Variants in AQP12B observed in about 807,000 individuals in gnomAD.
AQP12B encodes putative aquaporin-12B.
Under a neutral mutation model 11.5 loss-of-function variants are expected in AQP12B, and 8 were observed. That is an observed-to-expected ratio of 0.70 (90% CI 0.41 to 1.26). The LOEUF is 1.26. Ranked by LOEUF, AQP12B falls within the 50% of genes most tolerant of loss-of-function variation. The probability of loss-of-function intolerance (pLI) is 0.01; values close to 1 mark genes in which losing one functional copy is unlikely to be tolerated. For missense variants in AQP12B, 247 were observed against 322.0 expected (o/e 0.77, Z 1.78); for synonymous variants, 123 against 158.0 (o/e 0.78, Z 1.66).
At position 240,682,334 on chromosome 2, in the gene AQP12B, G is replaced by A. The variant is rs2043933008; in HGVS notation, c.504C>T (p.Ala168=). Residue 168 remains alanine (A), a synonymous_variant, in exon 1 of 3, where the codon GCC becomes GCT. Coordinates refer to ENST00000407834, the MANE Select transcript of AQP12B (RefSeq NM_001102467.2). ...GGGTCAGATGGAAACAAAAGGCGCAGGCGGCCTCCACAAGCGCCCCGTGGG... is the reference window on the plus strand; with the variant it reads ...GGGTCAGATGGAAACAAAAGGCGCAAGCGGCCTCCACAAGCGCCCCGTGGG... The part of the protein sequence containing the change: ...SVPHGALVEA[A]CAFCFHLTLL... 6.6e-7 allele frequency: 1 copy of A among 1,520,450 alleles called. No homozygotes were observed. The highest frequency in any genetic ancestry group is 1.4e-5 in the African/African-American group (1 of 71,932). The allele number at this position is 1,520,450 out of a possible 1,614,324, so 94.2% of individuals were successfully genotyped here.
upstream of AQP12B, chr2:240,682,899 G>T: frequency 1.9e-6 from 3 of 1,562,712 alleles, no homozygotes; most frequent in South Asian, 2.3e-5. Context: ...GCAGGAGCTG[G>T]CCGGTTCCCA....
intron 1 of AQP12B, 96 bp downstream of exon 1, chr2:240,682,135 G>T (rs2043924578): frequency 3.2e-6 from 2 of 627,278 alleles, no homozygotes; most frequent in Non-Finnish European, 5.2e-6. Context: ...CGGGCCAGCA[G>T]CCCCCTATCC....
At position 240,682,588 on chromosome 2, in the gene AQP12B, C is replaced by G. The variant is rs369219301; in HGVS notation, c.250G>C (p.Gly84Arg). Reference sequence around the variant, plus strand: ...GCCGAGGCCCCGTCCAAGGTGACCCCGTGCGCCAGGAAGAGCAGGAAGAGC... The same window carrying G: ...GCCGAGGCCCCGTCCAAGGTGACCCGGTGCGCCAGGAAGAGCAGGAAGAGC... ...TLLFLLFLAH[G>R]VTLDGASANP... The change falls in exon 1 of 3, where the codon GGG becomes CGG. Residue 84 changes from glycine (G) to arginine (R), a missense_variant. Transcript: ENST00000407834. 2.7e-5 allele frequency: 44 copies of G among 1,613,202 alleles called. No homozygotes were observed. Among genetic ancestry groups the G allele is most frequent in the Non-Finnish European group, 3.7e-5 (44 of 1,179,786 alleles).
chr2:240,680,877 GGAGACAGAGAGAGAGGA>G (rs2043894196), intron 1 of AQP12B, among the ~76,000 whole-genome samples: 2 of 55,026 alleles, frequency 3.6e-5, no homozygotes, highest in African/African-American at 9.7e-5. Context: ...AGAGAGACAG[GGAGACAGAGAGAGAGGA>G]GAGACAGAGA....
At position 240,682,605 on chromosome 2, in the gene AQP12B, A is replaced by G. The variant is rs757561287; in HGVS notation, c.233T>C (p.Leu78Pro). The G allele has an allele frequency of 4.3e-6, 7 of 1,613,286 alleles. No homozygotes were observed. In the Admixed American group the frequency reaches 1.0e-4, roughly 23 times the overall value. ...GPDLLLTLLF[L>P]LFLAHGVTLD... ...GGTGACCCCGTGCGCCAGGAAGAGC[A>G]GGAAGAGCAGGGTGAGCAGCAGGTC... The change falls in exon 1 of 3, where the codon CTG (leucine) becomes CCG (proline). Residue 78 changes from leucine to proline, a missense_variant. Physicochemically the swap from Leu to Pro is moderately conservative, Grantham distance 98. Around this residue, in one of 4 missense-constraint regions of AQP12B, gnomAD observed 206 missense variants for 173.2 expected, o/e 1.19. Transcript: ENST00000407834.
In AQP12B at chr2:240,682,755, A is replaced by C. The variant is rs547736661; in HGVS notation, c.83T>G (p.Leu28Arg). 107 of 1,612,292 alleles carry C rather than the reference A, an allele frequency of 6.6e-5. No homozygotes were observed. The Middle Eastern group carries it at 6.7e-4, about 10-fold the overall frequency. Reference protein sequence around the residue: ...CEAARRASKALLPVGAYEVFA... With the variant: ...CEAARRASKARLPVGAYEVFA... ...GACTTCATAGGCGCCCACTGGGAGCAGGGCCTTGGAGGCCCGCCTGGCTGC... is the reference window on the plus strand; with the variant it reads ...GACTTCATAGGCGCCCACTGGGAGCCGGGCCTTGGAGGCCCGCCTGGCTGC... Residue 28 changes from leucine to arginine, a missense_variant, in exon 1 of 3, where the codon CTG (leucine) becomes CGG (arginine). Leu to Arg is a moderately radical substitution (Grantham distance 102, BLOSUM62 -2). Transcript: ENST00000407834.
In AQP12B at chr2:240,682,873, C is replaced by T. The variant is rs367797140; in HGVS notation, c.-36G>A. ...CCCCCGAGATGCTGTGCCTGCAGGA[C>T]ACCTGAGGGGACAGAGCAGGAGCTG... On this transcript the variant is annotated 5_prime_UTR_variant, in exon 1 of 3. Coordinates refer to ENST00000407834, the MANE Select transcript of AQP12B (RefSeq NM_001102467.2). 36 of 1,564,940 alleles carry T rather than the reference C, an allele frequency of 2.3e-5. 2 individuals are homozygous for T. In the African/African-American group the frequency reaches 3.1e-4, roughly 14 times the overall value.
At chr2:240,683,608 C>T (rs2043976210), upstream of AQP12B, among the ~76,000 whole-genome samples, 1 of 151,252 alleles carries the variant, frequency 6.6e-6, no homozygotes, top group Admixed American at 6.6e-5. Context: ...TCCACTGTGT[C>T]CCCACCTCAG....
At chr2:240,683,506 C>A (rs2043974481), upstream of AQP12B, among the ~76,000 whole-genome samples, 1 of 152,054 alleles carries the variant, frequency 6.6e-6, no homozygotes, top group Non-Finnish European at 1.5e-5. Flanking sequence ...CTGCTCCCTG[C>A]TCCTGGCTGT....
chr2:240,676,800 ACAGGACACCCACTCCCAGGCCTGTGC>A, intron 2 of AQP12B, 56 bp from the exon 3 acceptor site: 1 of 236,482 alleles, frequency 4.2e-6, no homozygotes, highest in Non-Finnish European at 7.1e-6. Context: ...CCAAACACAG[ACAGGACACCCACTCCCAGGCCTGTGC>A]CAGGACAGGC....
Position 240,680,956 on chromosome 2 carries a change from C to T in AQP12B, c.608-488G>A, listed in dbSNP as rs1477350746. On this transcript the variant is annotated intron_variant, in intron 1 of 2. Transcript: ENST00000407834. ...GAGAGACAGAGAGAGAGAGGAGAGA[C>T]AGAGAGAGATCTCAGAAATAAAGGA... Among the ~76,000 whole-genome samples, 762 of 90,686 alleles carry T rather than the reference C, an allele frequency of 8.4e-3. 249 individuals carry two copies. Among genetic ancestry groups the T allele is most frequent in the African/African-American group, 0.047 (736 of 15,700 alleles). 59.5% of individuals were successfully genotyped at this position (90,686 alleles called of 152,430 possible). A position where few individuals can be genotyped will look rare whatever the true frequency, so the allele number is the denominator to read the frequency against.
Position 240,682,641 on chromosome 2 carries a change from T to G in AQP12B, c.197A>C (p.Asp66Ala). The stretch of plus-strand genomic sequence containing the variant: ...GGTGAGCAGCAGGTCAGGCCCAAAG[T>G]CCCCAGCCCAGGGCCCGAGCTCGAC... Reference protein sequence around the residue: ...TLVELGPWAGDFGPDLLLTLL... With the variant: ...TLVELGPWAGAFGPDLLLTLL... Residue 66 changes from aspartate (D) to alanine (A), a missense_variant, in exon 1 of 3, where the codon GAC becomes GCC. Transcript: ENST00000407834. 6.2e-7 allele frequency: 1 copy of G among 1,613,194 alleles called. No individual in the cohort carries two copies. Among genetic ancestry groups the G allele is most frequent in the Non-Finnish European group, 8.5e-7 (1 of 1,179,766 alleles).
At chr2:240,681,967 A>T (rs1244473337) in intron 1 of AQP12B, among the ~76,000 whole-genome samples, 1 of 99,256 alleles carries the variant, frequency 1.0e-5, no homozygotes, top group Non-Finnish European at 2.1e-5. Context: ...AACTTCTGGG[A>T]GGACCAAGAA....
rs201422028 is a variant in AQP12B, at chr2:240,682,722, C to G, written c.116G>C (p.Arg39Pro). The change falls in exon 1 of 3, where the codon CGG (arginine) becomes CCG (proline). Residue 39 changes from arginine to proline, a missense_variant. Arg to Pro is a moderately radical substitution (Grantham distance 103). Transcript: ENST00000407834. ...LPVGAYEVFAREAVGAVQLGA... is the reference protein window; with the variant it reads ...LPVGAYEVFAPEAVGAVQLGA... ...GAGCTGCACCGCGCCCACCGCCTCCCGGGCGAAGACTTCATAGGCGCCCAC... is the reference window on the plus strand; with the variant it reads ...GAGCTGCACCGCGCCCACCGCCTCCGGGGCGAAGACTTCATAGGCGCCCAC... The G allele has an allele frequency of 2.5e-6, 4 of 1,613,486 alleles. No individual in the cohort carries two copies. The highest frequency in any genetic ancestry group is 2.2e-5 in the South Asian group (2 of 90,954).
upstream of AQP12B, chr2:240,682,907 C>A (rs2043963250): frequency 3.2e-6 from 5 of 1,562,114 alleles, no homozygotes; most frequent in Non-Finnish European, 3.5e-6. Flanking sequence ...TGGCCGGTTC[C>A]CACAACCCAG....
In AQP12B at chr2:240,682,588, C is replaced by T. The variant is rs369219301; in HGVS notation, c.250G>A (p.Gly84Arg). Residue 84 changes from glycine (G) to arginine (R), a missense_variant, in exon 1 of 3, where the codon GGG becomes AGG. Transcript: ENST00000407834. ...TLLFLLFLAH[G>R]VTLDGASANP... Reference sequence around the variant, plus strand: ...GCCGAGGCCCCGTCCAAGGTGACCCCGTGCGCCAGGAAGAGCAGGAAGAGC... The same window carrying T: ...GCCGAGGCCCCGTCCAAGGTGACCCTGTGCGCCAGGAAGAGCAGGAAGAGC... 268 of 1,613,318 alleles carry T rather than the reference C, an allele frequency of 1.7e-4. 2 individuals are homozygous for T. Among genetic ancestry groups the T allele is most frequent in the Non-Finnish European group, 1.8e-4 (207 of 1,179,778 alleles).
At chr2:240,680,979 G>T (rs4446068) in intron 1 of AQP12B, among the ~76,000 whole-genome samples, 844 of 76,526 alleles carry the variant, frequency 0.011, 22 homozygotes, top group South Asian at 0.023. Flanking sequence ...CAGAAATAAA[G>T]GAGCAGCAGC....
At position 240,682,369 on chromosome 2, in the gene AQP12B, T is replaced by C; in HGVS notation, c.469A>G (p.Thr157Ala). The part of the protein sequence containing the change: ...MAQSCSSALR[T>A]SVPHGALVEA... ...ACAAGCGCCCCGTGGGGCACGGATG[T>C]GCGCAGGGCCGAGCTGCAGCTCTGG... The change falls in exon 1 of 3, where the codon ACA (threonine) becomes GCA (alanine). Residue 157 changes from threonine to alanine, a missense_variant. Transcript: ENST00000407834. The C allele has an allele frequency of 6.5e-7, 1 of 1,529,698 alleles. No homozygotes were observed. Among genetic ancestry groups the C allele is most frequent in the South Asian group, 1.2e-5 (1 of 83,012 alleles). 94.8% of individuals were successfully genotyped at this position (1,529,698 alleles called of 1,614,324 possible).
At position 240,682,861 on chromosome 2, in the gene AQP12B, G is replaced by A. The variant is rs753567562; in HGVS notation, c.-24C>T. ...ATCGGCCTGGGCCCCCCGAGATGCT[G>A]TGCCTGCAGGACACCTGAGGGGACA... On this transcript the variant is annotated 5_prime_UTR_variant, in exon 1 of 3. Coordinates refer to ENST00000407834, the MANE Select transcript of AQP12B (RefSeq NM_001102467.2). 8.3e-6 allele frequency: 13 copies of A among 1,565,034 alleles called. 2 individuals are homozygous for A. The highest frequency in any genetic ancestry group is 1.1e-5 in the Non-Finnish European group (13 of 1,153,466).
Sources: gnomAD v4.1 joint callset for allele counts (sites outside exome capture counted in the v4.1 genomes callset) on GRCh38, gnomAD v4.1.1 for gene constraint, gnomAD v4.1.1 regional missense constraint, MANE v1.5 for transcripts, NCBI Gene and HGNC (gene_info 2026-07-23, HGNC 2026-07-21) for gene names.